The following HECW1 variants were observed in gnomAD, a reference collection of about 807,000 sequenced individuals.
The protein encoded by HECW1 is HECT, C2 and WW domain containing E3 ubiquitin protein ligase 1.
HECW1 carries 61 observed loss-of-function variants against 182.3 expected under a neutral mutation model. The ratio of observed to expected loss-of-function variants is 0.33; its 90% CI spans 0.27 to 0.41. HECW1 has a LOEUF of 0.41. Ranked by LOEUF, HECW1 falls within the 10% of genes least tolerant of loss-of-function variation. The pLI, the probability that HECW1 is intolerant of heterozygous loss-of-function variation, is 1.00. For synonymous variants in HECW1, 859 were observed against 832.6 expected, an observed-to-expected ratio of 1.03 and a Z score of -0.55; for missense variants, 1,739 against 2,108.9, an observed-to-expected ratio of 0.82 and a Z score of 3.44.
intron 2 of HECW1, among the ~76,000 whole-genome samples, chr7:43,142,887 G>C (rs533031809): frequency 2.0e-5 from 3 of 152,286 alleles, no homozygotes; most frequent in South Asian, 2.1e-4. Flanking sequence ...AAAATCGACA[G>C]GTCCCAGATC....
At chr7:43,225,941 T>A (rs1797385259) in intron 2 of HECW1, among the ~76,000 whole-genome samples, 1 of 152,118 alleles carries the variant, frequency 6.6e-6, no homozygotes, top group Non-Finnish European at 1.5e-5. Flanking sequence ...AGCTAACTTT[T>A]TTTTTATTTT....
intron 3 of HECW1, among the ~76,000 whole-genome samples, chr7:43,257,130 G>A (rs138429003): frequency 1.4e-4 from 21 of 152,264 alleles, no homozygotes; most frequent in South Asian, 4.1e-4. Flanking sequence ...GGGGCCACCC[G>A]AATGCACAAG....
chr7:43,141,283 C>G (rs977224159), intron 2 of HECW1, among the ~76,000 whole-genome samples: 31 of 152,156 alleles, frequency 2.0e-4, no homozygotes, highest in African/African-American at 7.5e-4. Context: ...TGCCCACCCC[C>G]ACGGCCCTGG....
chr7:43,268,892 C>A (rs1332438434), intron 3 of HECW1, among the ~76,000 whole-genome samples: 2 of 152,196 alleles, frequency 1.3e-5, no homozygotes, highest in African/African-American at 4.8e-5. Flanking sequence ...CCACCTCAGC[C>A]TCCTGAGTAG....
chr7:43,306,460 C>G (rs1807588327), intron 3 of HECW1, among the ~76,000 whole-genome samples: 1 of 151,888 alleles, frequency 6.6e-6, no homozygotes, highest in Non-Finnish European at 1.5e-5. Context: ...CAGGCATCTT[C>G]TTGATCAAAG....
intron 6 of HECW1, 108 bp from the exon 7 acceptor site, chr7:43,396,706 G>A (rs1005730884): frequency 2.8e-5 from 20 of 721,524 alleles, no homozygotes; most frequent in African/African-American, 1.0e-4. Context: ...CACTGTCTTC[G>A]TTGCCTGTAG....
At chr7:43,485,293 T>C (rs1349443202) in intron 17 of HECW1, among the ~76,000 whole-genome samples, 2 of 152,216 alleles carry the variant, frequency 1.3e-5, no homozygotes, top group Non-Finnish European at 2.9e-5. Flanking sequence ...AAGCTTGCTT[T>C]TGGGGAGAGT....
chr7:43,122,192 C>T (rs939398218), intron 2 of HECW1, among the ~76,000 whole-genome samples: 8 of 152,178 alleles, frequency 5.3e-5, no homozygotes, highest in African/African-American at 9.7e-5. Flanking sequence ...TGAGCAAAGC[C>T]GAGGACTGCA....
intron 5 of HECW1, among the ~76,000 whole-genome samples, chr7:43,336,180 C>T (rs1584524939): frequency 2.9e-5 from 4 of 136,134 alleles, no homozygotes; most frequent in Admixed American, 7.6e-5. Context: ...CTCTCTCTCT[C>T]TCTCTCTCTC....
chr7:43,449,815 G>A (rs2077173861), intron 11 of HECW1, among the ~76,000 whole-genome samples: 1 of 152,136 alleles, frequency 6.6e-6, no homozygotes, highest in African/African-American at 2.4e-5. Context: ...CTTTGTCCCG[G>A]GCCCTTCTCA....
intron 3 of HECW1, among the ~76,000 whole-genome samples, chr7:43,287,469 G>A (rs371631503): frequency 4.7e-5 from 7 of 147,434 alleles, no homozygotes; most frequent in African/African-American, 1.8e-4. Context: ...TGGAAGGTTT[G>A]GCAGAGGGGA....
intron 3 of HECW1, among the ~76,000 whole-genome samples, chr7:43,292,579 C>T (rs898277374): frequency 6.6e-6 from 1 of 152,200 alleles, no homozygotes; most frequent in African/African-American, 2.4e-5. Context: ...TGGCCCAGAG[C>T]CTGAGAGGGA....
intron 6 of HECW1, among the ~76,000 whole-genome samples, chr7:43,365,183 T>A (rs1012500869): frequency 7.9e-5 from 12 of 152,256 alleles, no homozygotes; most frequent in African/African-American, 2.7e-4. Context: ...TCTCCTGCAG[T>A]GCCGGAGACT....
intron 29 of HECW1, among the ~76,000 whole-genome samples, chr7:43,557,583 C>T (rs2082072613): frequency 6.6e-6 from 1 of 152,164 alleles, no homozygotes; most frequent in South Asian, 2.1e-4. Context: ...GCCATGTGGA[C>T]TTAGTTGCCA....
chr7:43,317,650 C>T (rs1427465400), intron 4 of HECW1, among the ~76,000 whole-genome samples: 1 of 152,182 alleles, frequency 6.6e-6, no homozygotes, highest in Non-Finnish European at 1.5e-5. Context: ...CCTCTCAGCC[C>T]AGGCAAGAAT....
intron 3 of HECW1, among the ~76,000 whole-genome samples, chr7:43,279,502 G>A (rs17172190): frequency 0.05 from 7,624 of 151,966 alleles, 237 homozygotes; most frequent in African/African-American, 0.084. Context: ...GACCATCCAC[G>A]CTCTTCTTTT....
At chr7:43,396,054 C>T (rs1262396447) in intron 6 of HECW1, among the ~76,000 whole-genome samples, 1 of 152,184 alleles carries the variant, frequency 6.6e-6, no homozygotes, top group Non-Finnish European at 1.5e-5. Context: ...TGCAAACATA[C>T]AACACATGCA....
intron 29 of HECW1, among the ~76,000 whole-genome samples, chr7:43,558,639 G>T (rs1159229549): frequency 6.6e-6 from 1 of 152,140 alleles, no homozygotes; most frequent in Admixed American, 6.5e-5. Flanking sequence ...ACAACAAAGA[G>T]TTATCAAGTT....
intron 2 of HECW1, among the ~76,000 whole-genome samples, chr7:43,221,452 C>T (rs868318296): frequency 6.7e-6 from 1 of 148,778 alleles, no homozygotes; most frequent in African/African-American, 2.5e-5. Flanking sequence ...TTTTAAATCT[C>T]CTTATCTCTT....
Sources: gnomAD v4.1 joint callset for allele counts (sites outside exome capture counted in the v4.1 genomes callset) on GRCh38, gnomAD v4.1.1 for gene constraint, MANE v1.5 for transcripts, NCBI Gene and HGNC (gene_info 2026-07-23, HGNC 2026-07-21) for gene names.